CUL1: variants seen among roughly 807,000 people sequenced by gnomAD.
CUL1 encodes the protein cullin-1.
In CUL1, 24 loss-of-function variants were observed where a neutral mutation model predicts 118.0. That is an observed-to-expected ratio of 0.20 (90% CI 0.15 to 0.29). CUL1 has a LOEUF of 0.29. Ranked by LOEUF, CUL1 falls within the 10% of genes least tolerant of loss-of-function variation. The pLI is 1.00. For missense variants in CUL1, 361 were observed against 933.8 expected, an observed-to-expected ratio of 0.39 and a Z score of 7.99; for synonymous variants, 332 against 340.4, an observed-to-expected ratio of 0.98 and a Z score of 0.27.
chr7:148,741,464 C>A (rs1174312513), intron 2 of CUL1, among the ~76,000 whole-genome samples: 1 of 152,180 alleles, frequency 6.6e-6, no homozygotes, highest in Non-Finnish European at 1.5e-5. Flanking sequence ...TATTTTGAGA[C>A]AGAGTCTTGC....
rs536138605 is a variant in CUL1 at position 148,784,775 on chromosome 7, A to G, written c.1298+698A>G. ...AAATTATATTGGTTTTGATATTAAT[A>G]AATTATATTTTAAACAGCTCTTGAA... On this transcript the variant is annotated intron_variant, in intron 11 of 21. Transcript: ENST00000325222. Among the ~76,000 whole-genome samples, 4 of 152,328 alleles carry G rather than the reference A, an allele frequency of 2.6e-5. No individual in the cohort carries two copies. The South Asian group carries it at 8.3e-4, about 32-fold the overall frequency.
chr7:148,740,219 A>AT (rs2129459900), intron 2 of CUL1, among the ~76,000 whole-genome samples: 1 of 151,902 alleles, frequency 6.6e-6, no homozygotes, highest in East Asian at 1.9e-4. Flanking sequence ...CGCCTAGCTA[A>AT]TTTTTTTGTA....
In CUL1 at chr7:148,703,120, C is replaced by T. The variant is rs1482947164; in HGVS notation, c.-162+4091C>T. Among the ~76,000 whole-genome samples the T allele has an allele frequency of 2.6e-5, 4 of 152,102 alleles. No homozygotes were observed. In the East Asian group the frequency reaches 7.7e-4, roughly 29 times the overall value. On this transcript the variant is annotated intron_variant, in intron 1 of 21. Transcript: ENST00000325222. ...AACCAGATGTTCCCTGAGTGTTTGA[C>T]TAGTTTATGTGAAGATGGAAGAAGA...
intron 1 of CUL1, among the ~76,000 whole-genome samples, chr7:148,728,091 A>C (rs2129459546): frequency 6.6e-6 from 1 of 152,246 alleles, no homozygotes; most frequent in East Asian, 1.9e-4. Context: ...TAGAGGAGGA[A>C]GTGGAGATGA....
chr7:148,793,851 A>G (rs1243221612), intron 17 of CUL1, among the ~76,000 whole-genome samples: 1 of 152,174 alleles, frequency 6.6e-6, no homozygotes, highest in Non-Finnish European at 1.5e-5. Context: ...GTGCCATTTC[A>G]TATTCTCACC....
At position 148,786,578 on chromosome 7, in the gene CUL1, A is replaced by G. The variant is rs951670203; in HGVS notation, c.1326A>G (p.Leu442=). The change falls in exon 12 of 22, where the codon CTA becomes CTG. Residue 442 remains leucine, a synonymous_variant. Transcript: ENST00000325222. ...KSSKNPEEAE[L]EDTLNQVMVV... The stretch of plus-strand genomic sequence containing the variant: ...CCAAGAACCCAGAGGAGGCAGAACT[A>G]GAAGACACACTCAATCAAGTGGTAA... 6.2e-7 allele frequency: 1 copy of G among 1,613,990 alleles called. No homozygotes were observed. The highest frequency in any genetic ancestry group is 8.5e-7 in the Non-Finnish European group (1 of 1,179,930).
At chr7:148,768,465 A>G (rs1027245917) in intron 9 of CUL1, among the ~76,000 whole-genome samples, 10 of 143,336 alleles carry the variant, frequency 7.0e-5, no homozygotes, top group African/African-American at 2.6e-4. Context: ...GCTCACTGCA[A>G]CCTCCGCTTC....
chr7:148,700,233 G>C (rs1184557806), intron 1 of CUL1, among the ~76,000 whole-genome samples: 2 of 152,112 alleles, frequency 1.3e-5, no homozygotes. Flanking sequence ...GTTCTGAGTG[G>C]AGTAAACGAT....
intron 9 of CUL1, among the ~76,000 whole-genome samples, chr7:148,782,746 A>AT (rs1372083493): frequency 9.2e-5 from 14 of 152,212 alleles, no homozygotes; most frequent in Admixed American, 2.0e-4. Flanking sequence ...AGTAAATCAA[A>AT]TGTTATAAAA....
chr7:148,799,503 T>C, intron 21 of CUL1, 115 bp downstream of exon 21: 2 of 668,244 alleles, frequency 3.0e-6, no homozygotes, highest in Middle Eastern at 5.8e-4. Flanking sequence ...CTTCTTTGTA[T>C]GTAGATTTCT....
intron 1 of CUL1, among the ~76,000 whole-genome samples, chr7:148,701,201 A>C (rs984708412): frequency 4.6e-5 from 7 of 152,082 alleles, no homozygotes; most frequent in Non-Finnish European, 7.3e-5. Flanking sequence ...AACGTTTGAA[A>C]ACATGCGCTG....
intron 2 of CUL1, among the ~76,000 whole-genome samples, chr7:148,744,411 TGTGTG>T (rs1331253327): frequency 8.5e-6 from 1 of 118,140 alleles, no homozygotes; most frequent in African/African-American, 2.9e-5. Context: ...TGTGTGTGTG[TGTGTG>T]TGTGTGTGTG....
intron 17 of CUL1, among the ~76,000 whole-genome samples, chr7:148,795,936 T>C (rs949627568): frequency 6.6e-6 from 1 of 152,232 alleles, no homozygotes; most frequent in African/African-American, 2.4e-5. Context: ...ACAGGCAGTT[T>C]TGCTTCTTCC....
intron 2 of CUL1, among the ~76,000 whole-genome samples, chr7:148,738,309 C>A (rs986838325): frequency 6.6e-6 from 1 of 152,150 alleles, no homozygotes; most frequent in Admixed American, 6.5e-5. Flanking sequence ...GGACAGGTGC[C>A]CAGAAGGTGT....
chr7:148,736,574 G>A (rs1401464797), intron 2 of CUL1, among the ~76,000 whole-genome samples: 1 of 152,148 alleles, frequency 6.6e-6, no homozygotes, highest in African/African-American at 2.4e-5. Context: ...AAGTTGTGGG[G>A]TTATAGGCAT....
At chr7:148,735,883 A>C (rs1798922352) in intron 2 of CUL1, among the ~76,000 whole-genome samples, 1 of 152,176 alleles carries the variant, frequency 6.6e-6, no homozygotes, top group Non-Finnish European at 1.5e-5. Context: ...ATAACTGTTA[A>C]ATGAAGAATT....
At chr7:148,750,239 C>CAGAT (rs1799442551) in intron 2 of CUL1, among the ~76,000 whole-genome samples, 1 of 151,138 alleles carries the variant, frequency 6.6e-6, no homozygotes, top group African/African-American at 2.4e-5. Context: ...GCGTAAGCAA[C>CAGAT]AGATACTCAA....
At chr7:148,767,543 A>G (rs1800048790) in intron 8 of CUL1, 76 bp from the exon 9 acceptor site, 4 of 1,298,296 alleles carry the variant, frequency 3.1e-6, no homozygotes, top group Non-Finnish European at 4.4e-6. Flanking sequence ...TTTTCATCTC[A>G]GTATAAATAC....
intron 1 of CUL1, among the ~76,000 whole-genome samples, chr7:148,716,217 G>A (rs148715647): frequency 1.3e-5 from 2 of 152,084 alleles, no homozygotes; most frequent in East Asian, 3.9e-4. Flanking sequence ...GTCCATTCCT[G>A]AGAATTCCAC....
Sources: allele counts gnomAD v4.1 joint callset (sites outside exome capture counted in the v4.1 genomes callset), GRCh38; gene constraint gnomAD v4.1.1; transcripts MANE v1.5; gene names NCBI Gene and HGNC (gene_info 2026-07-23, HGNC 2026-07-21).